CUX1: variants seen among roughly 807,000 people sequenced by gnomAD.
The protein encoded by CUX1 is protein CASP.
In CUX1, 31 loss-of-function variants were observed where a neutral mutation model predicts 158.8. The observed-to-expected ratio is 0.20, with a 90% CI of 0.15 to 0.26. CUX1 has a LOEUF of 0.26. Ranked by LOEUF, CUX1 falls within the 10% of genes least tolerant of loss-of-function variation. The pLI is 1.00. For synonymous variants in CUX1, 879 were observed against 862.1 expected, an observed-to-expected ratio of 1.02 and a Z score of -0.34; for missense variants, 1,589 against 2,014.6, an observed-to-expected ratio of 0.79 and a Z score of 4.04.
chr7:101,996,003 T>G (rs1247140565), intron 2 of CUX1, among the ~76,000 whole-genome samples: 1 of 151,630 alleles, frequency 6.6e-6, no homozygotes, highest in Non-Finnish European at 1.5e-5. Flanking sequence ...GCCCAGCTAC[T>G]CGGGAGGCTG....
chr7:102,171,960 C>T (rs1385717021), intron 10 of CUX1, among the ~76,000 whole-genome samples: 1 of 152,154 alleles, frequency 6.6e-6, no homozygotes, highest in Admixed American at 6.5e-5. Context: ...TAGTGGACAC[C>T]CGAAGAACCA....
intron 2 of CUX1, among the ~76,000 whole-genome samples, chr7:101,934,140 C>T (rs1806637694): frequency 6.6e-6 from 1 of 152,114 alleles, no homozygotes; most frequent in African/African-American, 2.4e-5. Context: ...ATACAGTTGT[C>T]AGGAGGTTTG....
At chr7:102,262,105 C>G (rs1790440300), downstream of CUX1, among the ~76,000 whole-genome samples, 1 of 152,086 alleles carries the variant, frequency 6.6e-6, no homozygotes, top group South Asian at 2.1e-4. Context: ...GAGTGAGACC[C>G]TGTCTCCAGT....
At chr7:101,997,368 G>C (rs188692078) in intron 2 of CUX1, among the ~76,000 whole-genome samples, 3 of 152,238 alleles carry the variant, frequency 2.0e-5, no homozygotes, top group Admixed American at 1.3e-4. Flanking sequence ...CTCTGAGACG[G>C]AGCCTCACTC....
chr7:101,836,101 G>C (rs919892587), intron 1 of CUX1, among the ~76,000 whole-genome samples: 1 of 152,178 alleles, frequency 6.6e-6, no homozygotes, highest in Non-Finnish European at 1.5e-5. Flanking sequence ...TCAAATACTA[G>C]GCCTTATTCA....
intron 4 of CUX1, among the ~76,000 whole-genome samples, chr7:102,077,275 G>T (rs1225729663): frequency 1.3e-5 from 2 of 151,860 alleles, no homozygotes; most frequent in Non-Finnish European, 2.9e-5. Context: ...AAGGAGACCA[G>T]CAGGTGGGGA....
intron 10 of CUX1, among the ~76,000 whole-genome samples, chr7:102,175,697 C>T (rs1444557427): frequency 6.6e-6 from 1 of 152,186 alleles, no homozygotes; most frequent in African/African-American, 2.4e-5. Flanking sequence ...CCTCCTGTGG[C>T]TCAGCCCCAC....
At chr7:101,870,938 A>G (rs542516449) in intron 1 of CUX1, among the ~76,000 whole-genome samples, 1 of 152,336 alleles carries the variant, frequency 6.6e-6, no homozygotes, top group South Asian at 2.1e-4. Context: ...TTTCGTAACT[A>G]TCTCCCCAAG....
At chr7:102,117,126 A>G (rs1831512246) in intron 8 of CUX1, among the ~76,000 whole-genome samples, 1 of 152,086 alleles carries the variant, frequency 6.6e-6, no homozygotes, top group African/African-American at 2.4e-5. Context: ...GGCAGGGTGC[A>G]GTGACTCACG....
intron 14 of CUX1, among the ~76,000 whole-genome samples, chr7:102,270,937 G>A (rs1219114007): frequency 3.3e-5 from 5 of 152,146 alleles, no homozygotes; most frequent in East Asian, 3.9e-4. Context: ...CCAGGCCCAC[G>A]CACCCCATCA....
chr7:101,875,235 T>G (rs1799007524), intron 1 of CUX1, among the ~76,000 whole-genome samples: 1 of 152,196 alleles, frequency 6.6e-6, no homozygotes, highest in African/African-American at 2.4e-5. Context: ...GATGTCAGTT[T>G]GCAAGCTCTT....
chr7:101,918,798 C>T (rs1446489494), intron 2 of CUX1, among the ~76,000 whole-genome samples: 2 of 152,156 alleles, frequency 1.3e-5, no homozygotes, highest in African/African-American at 2.4e-5. Flanking sequence ...GAGTCTTGCC[C>T]TCAGGTTGGA....
chr7:102,137,526 C>T (rs1356854697), intron 8 of CUX1, among the ~76,000 whole-genome samples: 1 of 152,042 alleles, frequency 6.6e-6, no homozygotes, highest in East Asian at 1.9e-4. Context: ...ATCCCAGCTA[C>T]TCGGGAGGCT....
chr7:102,170,311 C>G (rs1400223768), intron 9 of CUX1, 135 bp from the exon 10 acceptor site: 1 of 629,522 alleles, frequency 1.6e-6, no homozygotes, highest in East Asian at 2.9e-5. Flanking sequence ...GTTTTTTTTC[C>G]TAGCATTTAT....
rs1832611157 is a variant in CUX1, at chr7:102,126,148, G to A, written c.674+10875G>A. ...CCAGCCTCAGCCTCCCGAGTACCTG[G>A]GACTACAAGTGTGCACCACCATTTC... is the stretch of plus-strand genomic sequence containing the variant. On this transcript the variant is annotated intron_variant, in intron 8 of 23. Coordinates refer to ENST00000292535, the MANE Select transcript of CUX1 (RefSeq NM_181552.4). 2.0e-5 allele frequency among the ~76,000 whole-genome samples: 3 copies of A among 150,326 alleles called. No homozygotes were observed. In the Admixed American group the frequency reaches 2.0e-4, roughly 10 times the overall value.
intron 2 of CUX1, among the ~76,000 whole-genome samples, chr7:101,950,975 A>G (rs978531510): frequency 2.0e-5 from 3 of 152,072 alleles, no homozygotes; most frequent in Admixed American, 6.6e-5. Context: ...CCCTTTCTGT[A>G]TATCTGCCCC....
rs1793640825 is a variant in CUX1, at chr7:102,186,581, A to ATC, written c.1018-3231_1018-3230insCT. On this transcript the variant is annotated intron_variant, in intron 11 of 23. Transcript: ENST00000292535. ...GTACTTGCACAAACCTAGATAGTAT[A>ATC]TATATATATATATATTTTTTTTTAT... Among the ~76,000 whole-genome samples, 3 of 112,068 alleles carry ATC rather than the reference A, an allele frequency of 2.7e-5. No homozygotes were observed. The East Asian group carries it at 5.9e-4, about 22-fold the overall frequency. The allele number at this position is 112,068 out of a possible 152,430, so 73.5% of individuals were successfully genotyped here. A position where few individuals can be genotyped will look rare whatever the true frequency, so the allele number is the denominator to read the frequency against.
intron 11 of CUX1, among the ~76,000 whole-genome samples, chr7:102,185,712 T>C (rs1299367704): frequency 3.9e-5 from 6 of 151,972 alleles, no homozygotes; most frequent in Admixed American, 3.3e-4. Context: ...TTGAGTCTTA[T>C]CTAGGTTCAC....
chr7:102,228,924 C>T (rs1167753021), intron 21 of CUX1, among the ~76,000 whole-genome samples: 2 of 152,222 alleles, frequency 1.3e-5, no homozygotes, highest in African/African-American at 4.8e-5. Flanking sequence ...TCTCACTCTG[C>T]TCACTGAGTC....
Sources: gnomAD v4.1 joint callset for allele counts (sites outside exome capture counted in the v4.1 genomes callset) on GRCh38, gnomAD v4.1.1 for gene constraint, MANE v1.5 for transcripts, NCBI Gene and HGNC (gene_info 2026-07-23, HGNC 2026-07-21) for gene names.